Variants in MACROD2 observed in about 807,000 individuals in gnomAD.
The protein encoded by MACROD2 is mono-ADP ribosylhydrolase 2.
Under a neutral mutation model 70.4 loss-of-function variants are expected in MACROD2, and 36 were observed. The ratio of observed to expected loss-of-function variants is 0.51; its 90% CI spans 0.39 to 0.68. The LOEUF (loss-of-function observed/expected upper bound fraction) is 0.68, where lower values mean the gene tolerates loss of function less well. Among genes scored for constraint, MACROD2 ranks in the 30% least tolerant of loss-of-function variants. The pLI is 0.00. For synonymous variants in MACROD2, 172 were observed against 178.8 expected, an observed-to-expected ratio of 0.96 and a Z score of 0.30; for missense variants, 496 against 538.4, an observed-to-expected ratio of 0.92 and a Z score of 0.78.
At chr20:15,534,974 A>G (rs1422725559) in intron 8 of MACROD2, among the ~76,000 whole-genome samples, 5 of 152,080 alleles carry the variant, frequency 3.3e-5, no homozygotes, top group African/African-American at 9.7e-5. Context: ...AATATAAAAA[A>G]CATATATATA....
chr20:14,645,514 GT>G (rs1324039968), intron 4 of MACROD2, among the ~76,000 whole-genome samples: 1 of 151,972 alleles, frequency 6.6e-6, no homozygotes, highest in Non-Finnish European at 1.5e-5. Flanking sequence ...TGATTGTGGT[GT>G]GCTTAATTTA....
At chr20:14,162,952 T>G (rs1478234184) in intron 3 of MACROD2, among the ~76,000 whole-genome samples, 1 of 152,168 alleles carries the variant, frequency 6.6e-6, no homozygotes, top group East Asian at 1.9e-4. Flanking sequence ...CTTTGTTTCT[T>G]TCATTCTCTC....
chr20:14,954,811 T>A (rs1446311976), intron 5 of MACROD2, among the ~76,000 whole-genome samples: 1 of 24,694 alleles, frequency 4.0e-5, no homozygotes, highest in African/African-American at 1.1e-4. Context: ...ATAAATTTTA[T>A]ATAATATAAA....
At chr20:15,977,270 C>T (rs2066320865) in intron 13 of MACROD2, among the ~76,000 whole-genome samples, 1 of 152,198 alleles carries the variant, frequency 6.6e-6, no homozygotes, top group African/African-American at 2.4e-5. Context: ...AAGGTTCCCT[C>T]TCAGTATCAT....
At chr20:14,343,571 T>C (rs778640272) in intron 3 of MACROD2, among the ~76,000 whole-genome samples, 2 of 152,224 alleles carry the variant, frequency 1.3e-5, no homozygotes, top group Non-Finnish European at 2.9e-5. Context: ...AATTCACTAA[T>C]GTCAAATTGA....
intron 8 of MACROD2, among the ~76,000 whole-genome samples, chr20:15,562,311 A>G (rs546948743): frequency 2.0e-5 from 3 of 152,260 alleles, no homozygotes; most frequent in East Asian, 3.9e-4. Context: ...GGGCCTTCAT[A>G]TAAGTATGTG....
chr20:15,211,123 C>T (rs175263), intron 5 of MACROD2, among the ~76,000 whole-genome samples: 27,299 of 152,096 alleles, frequency 0.18, 2,650 homozygotes, highest in African/African-American at 0.25. Flanking sequence ...CACTCCTTGA[C>T]AACCATTAAT....
chr20:14,240,447 A>G (rs1257965713), intron 3 of MACROD2, among the ~76,000 whole-genome samples: 1 of 152,240 alleles, frequency 6.6e-6, no homozygotes, highest in African/African-American at 2.4e-5. Flanking sequence ...ATAAATGCCC[A>G]TCAGTGGTAG....
At chr20:14,968,329 C>T (rs1350716265) in intron 5 of MACROD2, among the ~76,000 whole-genome samples, 1 of 152,074 alleles carries the variant, frequency 6.6e-6, no homozygotes, top group African/African-American at 2.4e-5. Flanking sequence ...GTTCTCAGCC[C>T]TGTGTGGTCC....
intron 3 of MACROD2, among the ~76,000 whole-genome samples, chr20:14,096,770 C>T (rs1447280445): frequency 1.3e-5 from 2 of 152,178 alleles, no homozygotes; most frequent in Non-Finnish European, 2.9e-5. Flanking sequence ...CTTATCTTAA[C>T]ATTGCATGTC....
At chr20:15,492,453 T>C (rs186600623) in intron 7 of MACROD2, among the ~76,000 whole-genome samples, 2 of 152,324 alleles carry the variant, frequency 1.3e-5, no homozygotes, top group Non-Finnish European at 2.9e-5. Flanking sequence ...CTCACATTTG[T>C]ATTTCTTTTC....
At chr20:15,683,120 A>G (rs1051207798) in intron 8 of MACROD2, among the ~76,000 whole-genome samples, 1 of 152,232 alleles carries the variant, frequency 6.6e-6, no homozygotes, top group African/African-American at 2.4e-5. Context: ...TCTTAGAAAA[A>G]CAGTACGGAA....
intron 8 of MACROD2, among the ~76,000 whole-genome samples, chr20:15,772,742 A>C (rs906916995): frequency 6.6e-6 from 1 of 152,124 alleles, no homozygotes; most frequent in Non-Finnish European, 1.5e-5. Context: ...AACATTTGTA[A>C]AACCATCAAA....
At chr20:15,053,579 A>T (rs1269122192) in intron 5 of MACROD2, among the ~76,000 whole-genome samples, 1 of 152,150 alleles carries the variant, frequency 6.6e-6, no homozygotes, top group East Asian at 1.9e-4. Flanking sequence ...AAAAAAAAAG[A>T]TTATTTTCAA....
chr20:15,664,100 A>G (rs2146822669), intron 8 of MACROD2, among the ~76,000 whole-genome samples: 2 of 152,228 alleles, frequency 1.3e-5, no homozygotes, highest in East Asian at 3.9e-4. Context: ...TCAGCATTAA[A>G]CTCTGGGACT....
intron 6 of MACROD2, among the ~76,000 whole-genome samples, chr20:15,235,769 G>T (rs1449606376): frequency 6.6e-6 from 1 of 152,164 alleles, no homozygotes; most frequent in African/African-American, 2.4e-5. Context: ...GAACACGTCT[G>T]CAGCCTTAAA....
chr20:14,405,109 A>G (rs2083678483), intron 3 of MACROD2, among the ~76,000 whole-genome samples: 1 of 152,204 alleles, frequency 6.6e-6, no homozygotes, highest in African/African-American at 2.4e-5. Context: ...TCAAATATAG[A>G]AAAGCAAAAA....
intron 8 of MACROD2, among the ~76,000 whole-genome samples, chr20:15,694,415 G>A (rs1222044235): frequency 1.3e-5 from 2 of 152,166 alleles, no homozygotes; most frequent in Non-Finnish European, 2.9e-5. Context: ...ATTCTTGCAG[G>A]AGTAAGGTGG....
At chr20:15,425,841 C>T (rs77409039) in intron 6 of MACROD2, among the ~76,000 whole-genome samples, 1 of 152,252 alleles carries the variant, frequency 6.6e-6, no homozygotes, top group East Asian at 1.9e-4. Context: ...TGCAAGAATG[C>T]CTAAACTGAG....
Sources: allele counts gnomAD v4.1 joint callset (sites outside exome capture counted in the v4.1 genomes callset), GRCh38; gene constraint gnomAD v4.1.1; transcripts MANE v1.5; gene names NCBI Gene and HGNC (gene_info 2026-07-23, HGNC 2026-07-21).